SMC4: variants seen among roughly 807,000 people sequenced by gnomAD.
SMC4 encodes the protein structural maintenance of chromosomes protein 4.
A neutral mutation model predicts 145.6 loss-of-function variants in SMC4; 87 were observed. The observed-to-expected ratio is 0.60, with a 90% CI of 0.50 to 0.71. The LOEUF (loss-of-function observed/expected upper bound fraction) is 0.71, where lower values mean the gene tolerates loss of function less well. SMC4 is among the 30% of genes least tolerant of loss of function. SMC4 has a pLI of 0.00. For synonymous variants in SMC4, 558 were observed against 500.7 expected, an observed-to-expected ratio of 1.11 and a Z score of -1.53; for missense variants, 1,447 against 1,537.1, an observed-to-expected ratio of 0.94 and a Z score of 0.98.
intron 4 of SMC4, chr3:160,404,048 A>C: frequency 3.1e-6 from 1 of 323,688 alleles, no homozygotes; most frequent in South Asian, 4.3e-5. Context: ...TCTCAATCAT[A>C]AACGTTTTTA....
Position 160,416,292 on chromosome 3 carries a change from CA to C in SMC4, c.1315del (p.Ile439LeufsTer22). 1 of 1,596,160 alleles carries C rather than the reference CA, an allele frequency of 6.3e-7. No homozygotes were observed. The highest frequency in any genetic ancestry group is 1.1e-5 in the South Asian group (1 of 88,296). ...KSIPAKSNNI[I>X]NETTTRNNAL... ...GTATACCTGCCAAGAGTAACAATAT[CA>C]TTAATGAAACAACAACCAGAAACAA... On this transcript the variant is annotated frameshift_variant, in exon 10 of 24. Coordinates refer to ENST00000357388, the MANE Select transcript of SMC4 (RefSeq NM_001002800.3). LOFTEE classifies it high-confidence loss of function.
chr3:160,431,016 T>C lies in SMC4; in HGVS notation c.2941-16T>C, dbSNP rs888030570. The C allele has an allele frequency of 1.9e-6, 3 of 1,586,608 alleles. No homozygotes were observed. Among genetic ancestry groups the C allele is most frequent in the Non-Finnish European group, 2.6e-6 (3 of 1,172,052 alleles). On this transcript the variant is annotated splice_polypyrimidine_tract_variant and intron_variant, in intron 19 of 23. Coordinates refer to ENST00000357388, the MANE Select transcript of SMC4 (RefSeq NM_001002800.3). ...TATTTGGAAAATTCTATCTAGCAGTTCTTTTCGGTGTTTAGGAATCCTTAC... is the reference window on the plus strand; with the variant it reads ...TATTTGGAAAATTCTATCTAGCAGTCCTTTTCGGTGTTTAGGAATCCTTAC...
Position 160,433,055 on chromosome 3 carries a change from A to T in SMC4, c.3560A>T (p.Lys1187Met). 1 of 1,613,294 alleles carries T rather than the reference A, an allele frequency of 6.2e-7. No individual in the cohort carries two copies. Among genetic ancestry groups the T allele is most frequent in the Middle Eastern group, 1.7e-4 (1 of 6,058 alleles). The change falls in exon 23 of 24, where the codon AAG becomes ATG. Residue 1187 changes from lysine to methionine, a missense_variant. Transcript: ENST00000357388. ...CGACCACCTAAGAAAAGTTGGAAAA[A>T]GATCTTCAACCTTTCGGGAGGAGAG... ...SVRPPKKSWK[K>M]IFNLSGGEKT... is the part of the protein sequence containing the mutation.
rs183600349 is a variant in SMC4, at chr3:160,431,459, A to G, written c.3115-184A>G. 4.6e-5 allele frequency among the ~76,000 whole-genome samples: 7 copies of G among 152,336 alleles called. No individual in the cohort carries two copies. In the East Asian group the frequency reaches 1.4e-3, roughly 29 times the overall value. On this transcript the variant is annotated intron_variant, in intron 20 of 23. Coordinates refer to ENST00000357388, the MANE Select transcript of SMC4 (RefSeq NM_001002800.3). ...TAGGGCTGATCTGGACATTTAAGAA[A>G]AGATTACATGGACACTTTTGAGTGT...
chr3:160,411,635 G>T (rs75147573), intron 5 of SMC4: 6,071 of 205,912 alleles, frequency 0.029, 308 homozygotes, highest in African/African-American at 0.11. Flanking sequence ...ATTCTAGTTG[G>T]GGAAATGAGT....
rs368835453 is a variant in SMC4 at position 160,400,894 on chromosome 3, C to G, written c.68C>G (p.Pro23Arg). 3.3e-6 allele frequency: 5 copies of G among 1,506,932 alleles called. No individual in the cohort carries two copies. The African/African-American group carries it at 7.2e-5, about 22-fold the overall frequency. The allele number at this position is 1,506,932 out of a possible 1,614,324, so 93.3% of individuals were successfully genotyped here. The change falls in exon 2 of 24, where the codon CCT (proline) becomes CGT (arginine). Residue 23 changes from proline (P) to arginine (R), a missense_variant. Coordinates refer to ENST00000357388, the MANE Select transcript of SMC4 (RefSeq NM_001002800.3). ...GAGGAAGGGCCGCCGCCGCCGTCCC[C>G]TGACGGCGCCAGCAGCGACGCGGAG... ...RREEGPPPPS[P>R]DGASSDAEPE...
At chr3:160,413,734 G>A (rs1216281722) in intron 8 of SMC4, 121 bp downstream of exon 8, 3 of 599,550 alleles carry the variant, frequency 5.0e-6, no homozygotes, top group Non-Finnish European at 8.0e-6. Context: ...TCAAGTGGTG[G>A]CCCCCTTAGT....
Position 160,433,157 on chromosome 3 carries a change from T to C in SMC4, c.3662T>C (p.Ile1221Thr). The part of the protein sequence containing the change: ...KPTPLYFMDE[I>T]DAALDFKNVS... The stretch of plus-strand genomic sequence containing the variant: ...ACTCCCCTTTACTTCATGGATGAGA[T>C]TGATGCAGCCCTTGATTTTAAAAAT... The change falls in exon 23 of 24, where the codon ATT (isoleucine) becomes ACT (threonine). Residue 1221 changes from isoleucine (I) to threonine (T), a missense_variant. Transcript: ENST00000357388. 3 of 1,613,800 alleles carry C rather than the reference T, an allele frequency of 1.9e-6. No individual in the cohort carries two copies. The highest frequency in any genetic ancestry group is 1.7e-4 in the Middle Eastern group (1 of 6,058).
chr3:160,416,609 C>G (rs1292808242), intron 10 of SMC4, 194 bp downstream of exon 10: 1 of 350,302 alleles, frequency 2.9e-6, no homozygotes, highest in Non-Finnish European at 5.2e-6. Context: ...AAAAAGTTTA[C>G]TAAATGAGAG....
chr3:160,401,860 T>C (rs1576930942), intron 2 of SMC4, 55 bp from the exon 3 acceptor site: 4 of 1,415,136 alleles, frequency 2.8e-6, no homozygotes, highest in Admixed American at 4.3e-5. Context: ...ATTGCACTAA[T>C]GTAGGCTTTT....
intron 18 of SMC4, among the ~76,000 whole-genome samples, chr3:160,429,262 T>C (rs1718116454): frequency 6.6e-6 from 1 of 152,112 alleles, no homozygotes; most frequent in Non-Finnish European, 1.5e-5. Context: ...TTTAAATAGA[T>C]ACAGGCCTTA....
At chr3:160,429,625 G>C (rs1718161205) in intron 18 of SMC4, among the ~76,000 whole-genome samples, 1 of 151,488 alleles carries the variant, frequency 6.6e-6, no homozygotes, top group South Asian at 2.1e-4. Flanking sequence ...GAGATTACAG[G>C]CATGAGCCAC....
chr3:160,429,236 A>C (rs976766134), intron 18 of SMC4, among the ~76,000 whole-genome samples: 1 of 152,076 alleles, frequency 6.6e-6, no homozygotes, highest in Non-Finnish European at 1.5e-5. Context: ...TCGGGGAGGG[A>C]GTAGTTGGTC....
At chr3:160,420,953 G>A (rs533217561) in intron 13 of SMC4, 52 bp downstream of exon 13, 16 of 1,433,764 alleles carry the variant, frequency 1.1e-5, no homozygotes, top group South Asian at 3.9e-5. Context: ...TTTTTGAGAC[G>A]TAGTCTCGCT....
intron 23 of SMC4, 190 bp downstream of exon 23, chr3:160,433,399 T>G: frequency 1.8e-6 from 1 of 542,554 alleles, no homozygotes; most frequent in Non-Finnish European, 3.2e-6. Flanking sequence ...TTTGGAGGAG[T>G]AAAATATAAA....
At chr3:160,413,285 A>G (rs1480399586) in intron 7 of SMC4, among the ~76,000 whole-genome samples, 188 bp from the exon 8 acceptor site, 2 of 152,052 alleles carry the variant, frequency 1.3e-5, no homozygotes, top group African/African-American at 4.8e-5. Flanking sequence ...CATTGGTACA[A>G]TGAAATCGAT....
In SMC4 at chr3:160,419,028, GCA is replaced by G. The variant is rs559392504; in HGVS notation, c.1672-326_1672-325del. On this transcript the variant is annotated intron_variant, in intron 11 of 23. Transcript: ENST00000357388. ...ATTAGGGCAGAGCTGAAGAATTAGGGCACACTTATGTATAACTATGTAGTATC... is the reference window on the plus strand; with the variant it reads ...ATTAGGGCAGAGCTGAAGAATTAGGGCACTTATGTATAACTATGTAGTATC... Among the ~76,000 whole-genome samples, 13 of 152,212 alleles carry G rather than the reference GCA, an allele frequency of 8.5e-5. No individual in the cohort carries two copies. The East Asian group carries it at 2.3e-3, about 27-fold the overall frequency.
intron 9 of SMC4, 42 bp from the exon 10 acceptor site, chr3:160,416,209 A>G (rs756130645): frequency 1.3e-5 from 18 of 1,405,690 alleles, no homozygotes; most frequent in Admixed American, 2.3e-5. Flanking sequence ...GTATTGGGTA[A>G]CATAAAGATG....
At chr3:160,400,045 C>T (rs994697207) in intron 1 of SMC4, 2 of 152,404 alleles carry the variant, frequency 1.3e-5, no homozygotes, top group African/African-American at 2.4e-5. Flanking sequence ...AGGGCGTCTC[C>T]CCCTACCCCT....
Sources: allele counts gnomAD v4.1 joint callset (sites outside exome capture counted in the v4.1 genomes callset), GRCh38; gene constraint gnomAD v4.1.1; transcripts MANE v1.5; gene names NCBI Gene and HGNC (gene_info 2026-07-23, HGNC 2026-07-21).